Variants in MINDY3 observed in about 807,000 individuals in gnomAD.
The protein encoded by MINDY3 is ubiquitin carboxyl-terminal hydrolase MINDY-3.
Under a neutral mutation model 69.2 loss-of-function variants are expected in MINDY3, and 38 were observed. The ratio of observed to expected loss-of-function variants is 0.55; its 90% CI spans 0.42 to 0.72. The LOEUF is 0.72. MINDY3 is among the 30% of genes least tolerant of loss of function. MINDY3 has a pLI of 0.00. For synonymous variants in MINDY3, 192 were observed against 180.1 expected (o/e 1.07, Z -0.53); for missense variants, 522 against 519.0 (o/e 1.01, Z -0.06).
At chr10:15,843,373 T>C in intron 2 of MINDY3, 101 bp from the exon 3 acceptor site, 2 of 945,198 alleles carry the variant, frequency 2.1e-6, no homozygotes, top group South Asian at 2.8e-5. Context: ...ACTCCCTTTC[T>C]AATCTTTTGA....
At chr10:15,828,384 G>C (rs773256082) in intron 8 of MINDY3, among the ~76,000 whole-genome samples, 3 of 152,160 alleles carry the variant, frequency 2.0e-5, no homozygotes, top group African/African-American at 4.8e-5. Flanking sequence ...TCTATAGAGA[G>C]AAAGTAGATG....
chr10:15,786,311 C>G (rs1487735231), intron 13 of MINDY3, among the ~76,000 whole-genome samples: 2 of 152,118 alleles, frequency 1.3e-5, no homozygotes, highest in South Asian at 2.1e-4. Flanking sequence ...AACTTCCGAA[C>G]TGTTCTCTCC....
chr10:15,849,787 T>A (rs951283542), intron 1 of MINDY3, among the ~76,000 whole-genome samples: 2 of 152,142 alleles, frequency 1.3e-5, no homozygotes, highest in African/African-American at 2.4e-5. Flanking sequence ...TTATCTAACA[T>A]ATTAAAATAA....
At chr10:15,806,876 A>G (rs1003795571) in intron 10 of MINDY3, among the ~76,000 whole-genome samples, 1 of 152,150 alleles carries the variant, frequency 6.6e-6, no homozygotes, top group Non-Finnish European at 1.5e-5. Context: ...CTTTCATTCA[A>G]GTATAATCTT....
At chr10:15,787,660 G>A (rs1320986638) in intron 12 of MINDY3, among the ~76,000 whole-genome samples, 3 of 152,080 alleles carry the variant, frequency 2.0e-5, no homozygotes, top group African/African-American at 4.8e-5. Context: ...CATCTCTCCC[G>A]GAAACACCTG....
intron 6 of MINDY3, 40 bp from the exon 7 acceptor site, chr10:15,834,656 A>G: frequency 7.1e-7 from 1 of 1,414,826 alleles, no homozygotes; most frequent in Non-Finnish European, 1.0e-6. Context: ...TAAAAAACTA[A>G]AATGAAAATT....
chr10:15,837,161 A>G, intron 6 of MINDY3, 43 bp downstream of exon 6: 2 of 1,146,028 alleles, frequency 1.7e-6, no homozygotes, highest in Non-Finnish European at 2.5e-6. Flanking sequence ...ACAGCACTGA[A>G]CAACATTAAT....
intron 6 of MINDY3, among the ~76,000 whole-genome samples, chr10:15,835,269 G>A (rs894646146): frequency 2.0e-5 from 3 of 152,004 alleles, no homozygotes; most frequent in African/African-American, 7.2e-5. Context: ...AGTACAAGAA[G>A]ACCTACTTAT....
intron 2 of MINDY3, among the ~76,000 whole-genome samples, chr10:15,844,601 T>C (rs1833701201): frequency 6.6e-6 from 1 of 152,210 alleles, no homozygotes; most frequent in Non-Finnish European, 1.5e-5. Flanking sequence ...TGCAATTTTT[T>C]TGCTACTTTA....
intron 13 of MINDY3, among the ~76,000 whole-genome samples, chr10:15,785,927 C>A (rs995026513): frequency 6.6e-6 from 1 of 152,140 alleles, no homozygotes; most frequent in Non-Finnish European, 1.5e-5. Context: ...ACCATGATAT[C>A]TGTTATCTAG....
intron 10 of MINDY3, among the ~76,000 whole-genome samples, chr10:15,800,339 T>G (rs1838170014): frequency 6.6e-6 from 1 of 152,070 alleles, no homozygotes; most frequent in African/African-American, 2.4e-5. Flanking sequence ...TGTAAACGAA[T>G]GTAAAGATGC....
rs1460232920 is a variant in MINDY3, at chr10:15,860,193, C to A, written c.94+13G>T. 8.8e-6 allele frequency: 14 copies of A among 1,592,900 alleles called. No homozygotes were observed. Among genetic ancestry groups the A allele is most frequent in the Non-Finnish European group, 1.1e-5 (13 of 1,168,650 alleles). ...AAGCAGCGGCTGCAAGTGTGAGAGCCCCGCCAGGGTACCTTGCGTCCAGCG... is the reference window on the plus strand; with the variant it reads ...AAGCAGCGGCTGCAAGTGTGAGAGCACCGCCAGGGTACCTTGCGTCCAGCG... On this transcript the variant is annotated intron_variant, in intron 1 of 14. Coordinates refer to ENST00000277632, the MANE Select transcript of MINDY3 (RefSeq NM_024948.4).
chr10:15,832,923 C>G (rs935777923), intron 8 of MINDY3, among the ~76,000 whole-genome samples: 1 of 151,954 alleles, frequency 6.6e-6, no homozygotes, highest in African/African-American at 2.4e-5. Flanking sequence ...CTCTGGGAAC[C>G]CTGGAGCTTC....
chr10:15,849,148 T>C (rs1457862276), intron 1 of MINDY3, among the ~76,000 whole-genome samples: 23 of 152,176 alleles, frequency 1.5e-4, no homozygotes, highest in Admixed American at 1.5e-3. Flanking sequence ...CTCTATACTA[T>C]CATAACAGAT....
rs184605075 is a variant in MINDY3, at chr10:15,800,190, C to T, written c.883-4018G>A. Among the ~76,000 whole-genome samples, 23 of 152,066 alleles carry T rather than the reference C, an allele frequency of 1.5e-4. 1 individual carries two copies. Among genetic ancestry groups the T allele is most frequent in the African/African-American group, 5.1e-4 (21 of 41,476 alleles). On this transcript the variant is annotated intron_variant, in intron 10 of 14. Transcript: ENST00000277632. Reference sequence around the variant, plus strand: ...AAAAGTTAAGAAAAAATTAAGTATGCCATGCATGCATAAAATATATGTAGA... The same window carrying T: ...AAAAGTTAAGAAAAAATTAAGTATGTCATGCATGCATAAAATATATGTAGA...
rs752147676 is a variant in MINDY3, at chr10:15,841,404, A to G, written c.409+22T>C. The stretch of plus-strand genomic sequence containing the variant: ...AACAAAGGAACAAGAAAAAAACTTC[A>G]GGAAATAAAAATATATCTTACAAGA... On this transcript the variant is annotated intron_variant, in intron 4 of 14. Coordinates refer to ENST00000277632, the MANE Select transcript of MINDY3 (RefSeq NM_024948.4). The G allele has an allele frequency of 2.0e-5, 32 of 1,578,308 alleles. No individual in the cohort carries two copies. The South Asian group carries it at 3.8e-4, about 19-fold the overall frequency.
At chr10:15,801,213 T>G (rs1838236748) in intron 10 of MINDY3, among the ~76,000 whole-genome samples, 1 of 152,010 alleles carries the variant, frequency 6.6e-6, no homozygotes, top group Admixed American at 6.6e-5. Context: ...CATTTATAAG[T>G]AAGGAAGAGA....
In MINDY3 at chr10:15,843,231, A is replaced by C; in HGVS notation, c.216T>G (p.Ser72=). Residue 72 remains serine, a synonymous_variant, in exon 3 of 15, where the codon TCT becomes TCG. Coordinates refer to ENST00000277632, the MANE Select transcript of MINDY3 (RefSeq NM_024948.4). ...TCATACCTGAACAATCCCGCCAAGA[A>C]GACTTCTCCGAAGAAAACAGGAGCT... ...LKKLLFSSEK[S]SWRDCSEEEQ... 3.7e-6 allele frequency: 6 copies of C among 1,613,104 alleles called. No homozygotes were observed. The highest frequency in any genetic ancestry group is 5.1e-6 in the Non-Finnish European group (6 of 1,179,160).
chr10:15,815,594 G>A (rs909064578), intron 10 of MINDY3, among the ~76,000 whole-genome samples: 9 of 152,050 alleles, frequency 5.9e-5, no homozygotes, highest in African/African-American at 1.2e-4. Context: ...ATCTTCCTAC[G>A]AACATTCAGC....
Sources: allele counts gnomAD v4.1 joint callset (sites outside exome capture counted in the v4.1 genomes callset), GRCh38; gene constraint gnomAD v4.1.1; transcripts MANE v1.5; gene names NCBI Gene and HGNC (gene_info 2026-07-23, HGNC 2026-07-21).